FOXP1: variants seen among roughly 807,000 people sequenced by gnomAD.
The protein encoded by FOXP1 is forkhead box P1.
A neutral mutation model predicts 98.2 loss-of-function variants in FOXP1; 15 were observed. That is an observed-to-expected ratio of 0.15 (90% CI 0.10 to 0.24). The LOEUF is 0.24. FOXP1 is among the 10% of genes least tolerant of loss of function. The probability of loss-of-function intolerance (pLI) is 1.00; values close to 1 mark genes in which losing one functional copy is unlikely to be tolerated. For missense variants in FOXP1, 633 were observed against 848.5 expected, an observed-to-expected ratio of 0.75 and a Z score of 3.15; for synonymous variants, 371 against 314.5, an observed-to-expected ratio of 1.18 and a Z score of -1.90.
At chr3:71,198,686 A>ATTTTTCT (rs771133981) in intron 5 of FOXP1, among the ~76,000 whole-genome samples, 1 of 151,334 alleles carries the variant, frequency 6.6e-6, no homozygotes, top group Non-Finnish European at 1.5e-5. Flanking sequence ...TCAAGATTAA[A>ATTTTTCT]TTTTTCTTTT....
intron 6 of FOXP1, among the ~76,000 whole-genome samples, chr3:71,144,944 G>A (rs1186422653): frequency 6.6e-6 from 1 of 152,146 alleles, no homozygotes; most frequent in Non-Finnish European, 1.5e-5. Flanking sequence ...TGTAATCTTT[G>A]GAGATTGGCT....
chr3:71,085,888 C>G (rs2055039578), intron 7 of FOXP1, among the ~76,000 whole-genome samples: 1 of 151,418 alleles, frequency 6.6e-6, no homozygotes, highest in Non-Finnish European at 1.5e-5. Context: ...TGCCACCACA[C>G]CCAGCTATTT....
intron 2 of FOXP1, among the ~76,000 whole-genome samples, chr3:71,550,875 G>GC (rs1170307133): frequency 6.6e-6 from 1 of 152,156 alleles, no homozygotes; most frequent in Non-Finnish European, 1.5e-5. Flanking sequence ...CTTCCGAGAG[G>GC]CCCCCTTCAA....
chr3:71,067,369 TA>T (rs2052642063), intron 7 of FOXP1, among the ~76,000 whole-genome samples: 1 of 152,180 alleles, frequency 6.6e-6, no homozygotes, highest in African/African-American at 2.4e-5. Flanking sequence ...AAGTGGAATA[TA>T]ATATAAAATG....
At chr3:70,976,694 C>CAG (rs954488920) in intron 17 of FOXP1, among the ~76,000 whole-genome samples, 27 of 152,184 alleles carry the variant, frequency 1.8e-4, no homozygotes, top group African/African-American at 6.3e-4. Context: ...ATATTCCAAC[C>CAG]AGAGAGAGAT....
intron 6 of FOXP1, among the ~76,000 whole-genome samples, chr3:71,191,510 T>G (rs1414719912): frequency 6.6e-6 from 1 of 152,242 alleles, no homozygotes; most frequent in East Asian, 1.9e-4. Context: ...GTTACAGGTC[T>G]TTTTTCTTCT....
At position 70,978,046 on chromosome 3, in the gene FOXP1, A is replaced by G. The variant is rs375699134; in HGVS notation, c.1147-17T>C. 20 of 1,611,636 alleles carry G rather than the reference A, an allele frequency of 1.2e-5. No individual in the cohort carries two copies. Among genetic ancestry groups the G allele is most frequent in the Non-Finnish European group, 1.5e-5 (18 of 1,177,990 alleles). On this transcript the variant is annotated splice_polypyrimidine_tract_variant and intron_variant, in intron 14 of 20. Coordinates refer to ENST00000649528, the MANE Select transcript of FOXP1 (RefSeq NM_001349338.3). ...CAGATTCAACTGCAAGGAAAAAAACAACGTCTTAGAAGACCTTCAGAAAAC... is the reference window on the plus strand; with the variant it reads ...CAGATTCAACTGCAAGGAAAAAAACGACGTCTTAGAAGACCTTCAGAAAAC...
chr3:71,021,611 T>G (rs2045453280), intron 11 of FOXP1, among the ~76,000 whole-genome samples: 1 of 152,172 alleles, frequency 6.6e-6, no homozygotes, highest in Non-Finnish European at 1.5e-5. Flanking sequence ...GGAGGAACTT[T>G]GAGACCGCTT....
chr3:71,337,777 C>G (rs998146278), intron 4 of FOXP1, among the ~76,000 whole-genome samples: 1 of 152,196 alleles, frequency 6.6e-6, no homozygotes, highest in Non-Finnish European at 1.5e-5. Flanking sequence ...TTAATAAGCT[C>G]TTCTCCATTA....
chr3:71,456,078 G>C (rs2087462166), intron 3 of FOXP1, among the ~76,000 whole-genome samples: 1 of 152,152 alleles, frequency 6.6e-6, no homozygotes, highest in South Asian at 2.1e-4. Flanking sequence ...CCGAGGGAAA[G>C]GAGGTAATGT....
At chr3:71,016,144 A>G (rs1316208442) in intron 11 of FOXP1, among the ~76,000 whole-genome samples, 1 of 152,206 alleles carries the variant, frequency 6.6e-6, no homozygotes, top group Non-Finnish European at 1.5e-5. Context: ...CAATTAAATA[A>G]TTTGGAATAA....
intron 6 of FOXP1, among the ~76,000 whole-genome samples, chr3:71,155,696 T>A: frequency 6.6e-6 from 1 of 152,226 alleles, no homozygotes; most frequent in African/African-American, 2.4e-5. Context: ...GCCATTTGTG[T>A]TTCTTCCCCT....
intron 11 of FOXP1, among the ~76,000 whole-genome samples, chr3:71,026,075 A>T (rs934091916): frequency 6.6e-6 from 1 of 152,234 alleles, no homozygotes; most frequent in African/African-American, 2.4e-5. Flanking sequence ...ATACCAACTC[A>T]TAATATGCAC....
At chr3:71,434,964 G>C (rs898591850) in intron 3 of FOXP1, among the ~76,000 whole-genome samples, 2 of 151,734 alleles carry the variant, frequency 1.3e-5, no homozygotes, top group Non-Finnish European at 2.9e-5. Context: ...TCTCGCCTTT[G>C]ATCTTCTATA....
intron 13 of FOXP1, among the ~76,000 whole-genome samples, chr3:70,998,312 G>A (rs1005962102): frequency 6.6e-5 from 10 of 152,114 alleles, no homozygotes; most frequent in African/African-American, 1.7e-4. Context: ...ATAATTTTAC[G>A]CATGGACACT....
At chr3:71,007,848 G>C (rs2042999778) in intron 12 of FOXP1, among the ~76,000 whole-genome samples, 1 of 152,060 alleles carries the variant, frequency 6.6e-6, no homozygotes, top group South Asian at 2.1e-4. Context: ...TACAGCCCTC[G>C]ACCTTTCGGG....
chr3:71,032,014 G>T (rs778063836), intron 11 of FOXP1, among the ~76,000 whole-genome samples: 12 of 152,220 alleles, frequency 7.9e-5, no homozygotes, highest in Non-Finnish European at 1.6e-4. Flanking sequence ...TCTCTTCTTG[G>T]TTGAGAGAGT....
chr3:71,349,732 A>G (rs1053398205), intron 4 of FOXP1, among the ~76,000 whole-genome samples: 5 of 152,194 alleles, frequency 3.3e-5, no homozygotes, highest in African/African-American at 9.7e-5. Context: ...TTGACAACCA[A>G]TGAGGTATAA....
At chr3:71,164,518 T>A (rs1002579057) in intron 6 of FOXP1, among the ~76,000 whole-genome samples, 1 of 152,126 alleles carries the variant, frequency 6.6e-6, no homozygotes, top group Non-Finnish European at 1.5e-5. Flanking sequence ...CTATTTAAAG[T>A]AATGAAAGCA....
Sources: gnomAD v4.1 joint callset for allele counts (sites outside exome capture counted in the v4.1 genomes callset) on GRCh38, gnomAD v4.1.1 for gene constraint, MANE v1.5 for transcripts, NCBI Gene and HGNC (gene_info 2026-07-23, HGNC 2026-07-21) for gene names.